Variants in CBX7 observed in about 807,000 individuals in gnomAD.
CBX7 encodes chromobox 7.
CBX7 carries 14 observed loss-of-function variants against 31.4 expected under a neutral mutation model. The observed-to-expected ratio is 0.45, with a 90% CI of 0.29 to 0.70. The LOEUF (loss-of-function observed/expected upper bound fraction) is 0.70, where lower values mean the gene tolerates loss of function less well. Ranked by LOEUF, CBX7 falls within the 30% of genes least tolerant of loss-of-function variation. CBX7 has a pLI of 0.11. For missense variants in CBX7, 269 were observed against 351.9 expected (o/e 0.76, Z 1.89); for synonymous variants, 159 against 152.6 (o/e 1.04, Z -0.31).
chr22:39,144,673 G>T (rs1468162593), intron 2 of CBX7, among the ~76,000 whole-genome samples: 1 of 152,204 alleles, frequency 6.6e-6, no homozygotes, highest in Non-Finnish European at 1.5e-5. Context: ...GGAATTTCGT[G>T]CTCCTCTCTC....
rs563374821 is a variant in CBX7 at position 39,145,271 on chromosome 22, ACGCCGCGCCG to A, written c.114-3845_114-3836del. On this transcript the variant is annotated intron_variant, in intron 2 of 5. Coordinates refer to ENST00000216133, the MANE Select transcript of CBX7 (RefSeq NM_175709.5). Reference sequence around the variant, plus strand: ...TGTTTGGACCCAGCCGGTAAGGAGGACGCCGCGCCGCACCGCGCCGCGCCCTCCGCAGTGC... The same window carrying A: ...TGTTTGGACCCAGCCGGTAAGGAGGACACCGCGCCGCGCCCTCCGCAGTGC... Among the ~76,000 whole-genome samples, 409 of 151,986 alleles carry A rather than the reference ACGCCGCGCCG, an allele frequency of 2.7e-3. 4 individuals carry two copies. The highest frequency in any genetic ancestry group is 9.3e-3 in the African/African-American group (387 of 41,498).
chr22:39,135,126 C>T (rs1457743719), intron 4 of CBX7: 2 of 197,390 alleles, frequency 1.0e-5, no homozygotes, highest in Admixed American at 1.1e-4. Flanking sequence ...TGCCAGAGCA[C>T]CTCCAAAACT....
chr22:39,134,648 C>T lies in CBX7; in HGVS notation c.351G>A (p.Val117=). The T allele has an allele frequency of 6.3e-7, 1 of 1,589,004 alleles. No homozygotes were observed. Among genetic ancestry groups the T allele is most frequent in the Non-Finnish European group, 8.6e-7 (1 of 1,167,574 alleles). ...CPLGSGSPEG[V]VKAGAPELVD... ...CCAGCTCAGGTGCCCCCGCCTTGACCACCCCCTCAGGGCTCCCGCTGCCGA... is the reference window on the plus strand; with the variant it reads ...CCAGCTCAGGTGCCCCCGCCTTGACTACCCCCTCAGGGCTCCCGCTGCCGA... Residue 117 remains valine, a synonymous_variant, in exon 5 of 6, where the codon GTG becomes GTA. Transcript: ENST00000216133.
intron 1 of CBX7, among the ~76,000 whole-genome samples, chr22:39,151,745 T>A (rs949167035): frequency 4.0e-5 from 6 of 150,468 alleles, no homozygotes; most frequent in Non-Finnish European, 7.4e-5. Context: ...CTCCTTAAAT[T>A]GCAGGGTGTA....
intron 4 of CBX7, chr22:39,135,068 T>G: frequency 2.9e-6 from 1 of 347,130 alleles, no homozygotes; most frequent in Non-Finnish European, 5.3e-6. Flanking sequence ...GAAACAAATC[T>G]GGATGCATTA....
In CBX7 at chr22:39,132,756, G is replaced by A. The variant is rs1024844379; in HGVS notation, c.*1135C>T. On this transcript the variant is annotated 3_prime_UTR_variant, in exon 6 of 6. Transcript: ENST00000216133. ...GTGGTGGGACACTCCCTCCCTCCCT[G>A]ACTGCCCACACCTGGGTTGGCTGAG... 2.6e-5 allele frequency: 4 copies of A among 152,694 alleles called. No individual in the cohort carries two copies. The highest frequency in any genetic ancestry group is 9.7e-5 in the African/African-American group (4 of 41,430). 9.5% of individuals were successfully genotyped at this position (152,694 alleles called of 1,614,324 possible). A position where few individuals can be genotyped will look rare whatever the true frequency, so the allele number is the denominator to read the frequency against.
At chr22:39,139,122 G>A (rs896494911) in intron 3 of CBX7, among the ~76,000 whole-genome samples, 4 of 152,080 alleles carry the variant, frequency 2.6e-5, no homozygotes, top group Non-Finnish European at 5.9e-5. Context: ...GGAATGGCTA[G>A]TCCCTCTGCA....
Position 39,133,796 on chromosome 22 carries a change from A to G in CBX7, c.*95T>C. The G allele has an allele frequency of 2.5e-6, 3 of 1,207,186 alleles. No individual in the cohort carries two copies. Among genetic ancestry groups the G allele is most frequent in the Non-Finnish European group, 3.3e-6 (3 of 895,764 alleles). 74.8% of individuals were successfully genotyped at this position (1,207,186 alleles called of 1,614,324 possible). On this transcript the variant is annotated 3_prime_UTR_variant, in exon 6 of 6. Transcript: ENST00000216133. ...CTTTTGCTGCTCGGTATTTTTTTAA[A>G]TAAAATAATTACCCCGCCCCCAACC...
At chr22:39,145,418 C>A (rs1365066350) in intron 2 of CBX7, among the ~76,000 whole-genome samples, 1 of 152,180 alleles carries the variant, frequency 6.6e-6, no homozygotes, top group Non-Finnish European at 1.5e-5. Flanking sequence ...ACCCCACGAC[C>A]ATCGGAGACC....
chr22:39,151,643 C>T (rs1347913972), intron 1 of CBX7, among the ~76,000 whole-genome samples: 2 of 152,232 alleles, frequency 1.3e-5, no homozygotes, highest in Non-Finnish European at 1.5e-5. Context: ...GGCGAGCCCC[C>T]TCGCCAAACA....
In CBX7 at chr22:39,130,973, C is replaced by T. The variant is rs979327040; in HGVS notation, c.*2918G>A. 5.2e-5 allele frequency: 8 copies of T among 152,624 alleles called. No individual in the cohort carries two copies. The highest frequency in any genetic ancestry group is 7.3e-5 in the Non-Finnish European group (5 of 68,072). The allele number at this position is 152,624 out of a possible 1,614,324, so 9.5% of individuals were successfully genotyped here. A position where few individuals can be genotyped will look rare whatever the true frequency, so the allele number is the denominator to read the frequency against. ...ATGTGCTTGGAATCAACTCGTGCCC[C>T]CGACCCCTCCCAGATACATTCATTT... is the stretch of plus-strand genomic sequence containing the variant. On this transcript the variant is annotated 3_prime_UTR_variant, in exon 6 of 6. Coordinates refer to ENST00000216133, the MANE Select transcript of CBX7 (RefSeq NM_175709.5).
At chr22:39,143,632 T>C (rs901562888) in intron 2 of CBX7, among the ~76,000 whole-genome samples, 2 of 152,208 alleles carry the variant, frequency 1.3e-5, no homozygotes, top group Non-Finnish European at 2.9e-5. Context: ...GTGAGTGACA[T>C]GTGTCTGGGT....
At chr22:39,149,602 C>T (rs1930780301) in intron 2 of CBX7, 187 bp downstream of exon 2, 1 of 616,360 alleles carries the variant, frequency 1.6e-6, no homozygotes, top group African/African-American at 1.8e-5. Flanking sequence ...TGGAGACCCA[C>T]CTTGACCCTC....
At chr22:39,140,240 G>C (rs904251943) in intron 3 of CBX7, among the ~76,000 whole-genome samples, 2 of 152,120 alleles carry the variant, frequency 1.3e-5, no homozygotes, top group Non-Finnish European at 2.9e-5. Context: ...TCCATCCCCA[G>C]CAGGACACCA....
At position 39,134,591 on chromosome 22, in the gene CBX7, G is replaced by C; in HGVS notation, c.408C>G (p.Pro136=). The part of the protein sequence containing the change: ...VDKGPLVPTL[P]FPLRKPRKAH... ...CCTTTCGGGGCTTGCGGAGCGGGAA[G>C]GGCAGGGTGGGCACCAAGGGGCCCT... is the stretch of plus-strand genomic sequence containing the variant. Residue 136 remains proline, a synonymous_variant, in exon 5 of 6, where the codon CCC becomes CCG. Coordinates refer to ENST00000216133, the MANE Select transcript of CBX7 (RefSeq NM_175709.5). 6.3e-7 allele frequency: 1 copy of C among 1,592,434 alleles called. No individual in the cohort carries two copies. Among genetic ancestry groups the C allele is most frequent in the Non-Finnish European group, 8.5e-7 (1 of 1,169,876 alleles).
At chr22:39,144,814 G>C (rs1930584278) in intron 2 of CBX7, among the ~76,000 whole-genome samples, 1 of 152,226 alleles carries the variant, frequency 6.6e-6, no homozygotes, top group East Asian at 1.9e-4. Flanking sequence ...TACAGTAACA[G>C]CAGGTGTGCG....
chr22:39,134,126 T>C, intron 5 of CBX7, 78 bp from the exon 6 acceptor site: 1 of 1,416,558 alleles, frequency 7.1e-7, no homozygotes, highest in Admixed American at 2.1e-5. Flanking sequence ...CGACCCCAAC[T>C]CCAGCTCCTC....
chr22:39,142,895 C>A (rs1930510128), intron 2 of CBX7, among the ~76,000 whole-genome samples: 1 of 152,080 alleles, frequency 6.6e-6, no homozygotes, highest in African/African-American at 2.4e-5. Flanking sequence ...CCTGTGTAGG[C>A]CTAGGCCAAT....
intron 2 of CBX7, chr22:39,147,898 GCTAT>G (rs1930718276): frequency 6.6e-6 from 1 of 152,252 alleles, no homozygotes; most frequent in South Asian, 2.1e-4. Flanking sequence ...GAACAGCTAG[GCTAT>G]CTATCTAACT....
Sources: gnomAD v4.1 joint callset for allele counts (sites outside exome capture counted in the v4.1 genomes callset) on GRCh38, gnomAD v4.1.1 for gene constraint, MANE v1.5 for transcripts, NCBI Gene and HGNC (gene_info 2026-07-23, HGNC 2026-07-21) for gene names.